The following NFKBIZ variants were observed in gnomAD, a reference collection of about 807,000 sequenced individuals.
The protein encoded by NFKBIZ is NF-kappa-B inhibitor zeta.
In NFKBIZ, 19 loss-of-function variants were observed where a neutral mutation model predicts 76.8. The observed-to-expected ratio is 0.25, with a 90% CI of 0.17 to 0.36. NFKBIZ has a LOEUF of 0.36. Ranked by LOEUF, NFKBIZ falls within the 10% of genes least tolerant of loss-of-function variation. NFKBIZ has a pLI of 1.00. For missense variants in NFKBIZ, 829 were observed against 910.9 expected, an observed-to-expected ratio of 0.91 and a Z score of 1.16; for synonymous variants, 368 against 354.8, an observed-to-expected ratio of 1.04 and a Z score of -0.42.
Position 101,857,115 on chromosome 3 carries a change from G to A in NFKBIZ, c.1867G>A (p.Glu623Lys). The A allele has an allele frequency of 6.2e-7, 1 of 1,613,798 alleles. No individual in the cohort carries two copies. The highest frequency in any genetic ancestry group is 8.5e-7 in the Non-Finnish European group (1 of 1,179,968). ...GRTALHLAAE[E>K]ANLELIRLFL... is the part of the protein sequence containing the mutation. ...CACAGCCCTGCATTTGGCAGCTGAA[G>A]AAGCAAATCTGGAACTCATTCGCCT... Residue 623 changes from glutamate (E) to lysine (K), a missense_variant, in exon 10 of 12, where the codon GAA becomes AAA. Coordinates refer to ENST00000326172, the MANE Select transcript of NFKBIZ (RefSeq NM_031419.4).
upstream of NFKBIZ, chr3:101,849,247 A>C: frequency 5.1e-5 from 8 of 155,364 alleles, no homozygotes; most frequent in South Asian, 2.1e-4. Flanking sequence ...GGAGGCGGGA[A>C]GCGGGAGGCT....
chr3:101,842,727 A>G (rs534462794), intron 2 of NFKBIZ, among the ~76,000 whole-genome samples: 50 of 151,896 alleles, frequency 3.3e-4, no homozygotes, highest in Middle Eastern at 3.4e-3. Flanking sequence ...GAATTCTTAG[A>G]AGAATTCCTG....
At chr3:101,850,224 T>G (rs1942931530) in intron 1 of NFKBIZ, 1 of 318,514 alleles carries the variant, frequency 3.1e-6, no homozygotes, top group African/African-American at 2.1e-5. Context: ...GCAGCTTTGT[T>G]GAGTCATAAT....
rs1336746261 is a variant in NFKBIZ at position 101,853,817 on chromosome 3, A to G, written c.1291A>G (p.Asn431Asp). The change falls in exon 5 of 12, where the codon AAT becomes GAT. Residue 431 changes from asparagine to aspartate, a missense_variant. Transcript: ENST00000326172. ...GGAGCAGGAAGAAAGCAAATTGGCA[A>G]ATATTTCCCAAGACCAGTTTCTTTC... ...QVEQEESKLA[N>D]ISQDQFLSKD... 1.2e-6 allele frequency: 2 copies of G among 1,613,538 alleles called. No homozygotes were observed. Among genetic ancestry groups the G allele is most frequent in the South Asian group, 1.1e-5 (1 of 91,086 alleles).
chr3:101,842,313 T>C (rs539851129), intron 2 of NFKBIZ, among the ~76,000 whole-genome samples: 5 of 152,288 alleles, frequency 3.3e-5, no homozygotes, highest in Middle Eastern at 3.4e-3. Flanking sequence ...CTCAGTTTCG[T>C]GTTACTGAAG....
chr3:101,840,336 T>C (rs1299703913), intron 2 of NFKBIZ, among the ~76,000 whole-genome samples: 1 of 152,160 alleles, frequency 6.6e-6, no homozygotes, highest in Non-Finnish European at 1.5e-5. Flanking sequence ...AACACTCTCA[T>C]GAGCTAAGAA....
At chr3:101,844,613 G>A (rs910802035), upstream of NFKBIZ, among the ~76,000 whole-genome samples, 1 of 152,194 alleles carries the variant, frequency 6.6e-6, no homozygotes, top group African/African-American at 2.4e-5. Flanking sequence ...TGACTGGCCG[G>A]TGCTGGAAAT....
intron 1 of NFKBIZ, among the ~76,000 whole-genome samples, chr3:101,829,195 C>A (rs944701517): frequency 6.6e-6 from 1 of 152,166 alleles, no homozygotes; most frequent in African/African-American, 2.4e-5. Context: ...CTGCTGAGGC[C>A]AAAGACACAG....
chr3:101,853,829 G>C lies in NFKBIZ; in HGVS notation c.1303G>C (p.Asp435His). The C allele has an allele frequency of 1.2e-6, 2 of 1,613,336 alleles. No homozygotes were observed. Among genetic ancestry groups the C allele is most frequent in the Non-Finnish European group, 1.7e-6 (2 of 1,180,010 alleles). Residue 435 changes from aspartate to histidine, a missense_variant, in exon 5 of 12, where the codon GAC (aspartate) becomes CAC (histidine). Coordinates refer to ENST00000326172, the MANE Select transcript of NFKBIZ (RefSeq NM_031419.4). Reference sequence around the variant, plus strand: ...AAGCAAATTGGCAAATATTTCCCAAGACCAGTTTCTTTCAAAGGATGCAGA... The same window carrying C: ...AAGCAAATTGGCAAATATTTCCCAACACCAGTTTCTTTCAAAGGATGCAGA... Reference protein sequence around the residue: ...EESKLANISQDQFLSKDADGD... With the variant: ...EESKLANISQHQFLSKDADGD...
upstream of NFKBIZ, among the ~76,000 whole-genome samples, chr3:101,847,173 T>A (rs929027693): frequency 2.0e-5 from 3 of 152,228 alleles, no homozygotes; most frequent in African/African-American, 7.2e-5. Flanking sequence ...CTCACAGACA[T>A]ACCCCAAAAT....
intron 5 of NFKBIZ, 137 bp from the exon 6 acceptor site, chr3:101,854,441 A>G: frequency 6.5e-6 from 4 of 611,478 alleles, no homozygotes; most frequent in South Asian, 6.1e-5. Flanking sequence ...GAAAAGACAA[A>G]TTATGCTTTG....
chr3:101,858,529 C>A, intron 11 of NFKBIZ: 2 of 761,228 alleles, frequency 2.6e-6, no homozygotes, highest in Non-Finnish European at 1.6e-6. Context: ...AGATATTAAG[C>A]CATTTAACTC....
chr3:101,851,543 AAG>A (rs1255197342), intron 1 of NFKBIZ, among the ~76,000 whole-genome samples: 1 of 152,226 alleles, frequency 6.6e-6, no homozygotes, highest in African/African-American at 2.4e-5. Flanking sequence ...AGATCTTTGA[AAG>A]AAGTTGTTTT....
chr3:101,857,910 T>A, intron 11 of NFKBIZ: 1 of 852,468 alleles, frequency 1.2e-6, no homozygotes. Flanking sequence ...ATAGTTAGAA[T>A]TATTTCTGTC....
intron 2 of NFKBIZ, among the ~76,000 whole-genome samples, chr3:101,835,586 A>C (rs957678868): frequency 1.3e-5 from 2 of 152,092 alleles, no homozygotes; most frequent in East Asian, 3.8e-4. Context: ...ACGTCCTCAC[A>C]TGTGGCGTTT....
intron 11 of NFKBIZ, 72 bp downstream of exon 11, chr3:101,857,531 T>C: frequency 1.3e-6 from 2 of 1,592,608 alleles, no homozygotes; most frequent in Non-Finnish European, 8.5e-7. Context: ...GATGAGGCTG[T>C]GCAGGGCGAA....
At chr3:101,854,046 C>CA (rs1165190454) in intron 5 of NFKBIZ, among the ~76,000 whole-genome samples, 183 bp downstream of exon 5, 6 of 152,140 alleles carry the variant, frequency 3.9e-5, no homozygotes, top group Non-Finnish European at 7.4e-5. Context: ...GGTTTTCCTT[C>CA]AAAAAATTTT....
At chr3:101,852,657 G>A (rs185066320) in intron 2 of NFKBIZ, 81 bp from the exon 3 acceptor site, 10 of 900,078 alleles carry the variant, frequency 1.1e-5, no homozygotes, top group African/African-American at 1.0e-4. Flanking sequence ...ATAAAGGGTG[G>A]TAGAGATAAG....
At chr3:101,849,438 A>G, upstream of NFKBIZ, 1 of 404,692 alleles carries the variant, frequency 2.5e-6, no homozygotes, top group Non-Finnish European at 4.2e-6. Flanking sequence ...GGCACCGCCA[A>G]TGGCCGGGCC....
Sources: allele counts gnomAD v4.1 joint callset (sites outside exome capture counted in the v4.1 genomes callset), GRCh38; gene constraint gnomAD v4.1.1; transcripts MANE v1.5; gene names NCBI Gene and HGNC (gene_info 2026-07-23, HGNC 2026-07-21).